The following LRP1B variants were observed in gnomAD, a reference collection of about 807,000 sequenced individuals.
LRP1B encodes the protein LDL receptor related protein 1B.
A neutral mutation model predicts 556.6 loss-of-function variants in LRP1B; 217 were observed. The observed-to-expected ratio is 0.39, with a 90% CI of 0.35 to 0.44. LRP1B has a LOEUF of 0.44. LRP1B is among the 20% of genes least tolerant of loss of function. The pLI, the probability that LRP1B is intolerant of heterozygous loss-of-function variation, is 1.00. For synonymous variants in LRP1B, 2,047 were observed against 1,865.8 expected (o/e 1.10, Z -2.50); for missense variants, 5,053 against 5,620.8 (o/e 0.90, Z 3.23).
At chr2:141,982,161 C>A (rs1044138887) in intron 1 of LRP1B, among the ~76,000 whole-genome samples, 1 of 151,752 alleles carries the variant, frequency 6.6e-6, no homozygotes, top group Non-Finnish European at 1.5e-5. Flanking sequence ...TAGATTATAG[C>A]TAACTCAATC....
intron 27 of LRP1B, among the ~76,000 whole-genome samples, chr2:140,855,927 T>G (rs1017978430): frequency 6.6e-6 from 1 of 152,206 alleles, no homozygotes; most frequent in African/African-American, 2.4e-5. Flanking sequence ...ACTGCCAAAT[T>G]TAATCCTTTC....
Position 140,748,735 on chromosome 2 carries a change from T to TATGTATATAATATGATATATATTATATAC in LRP1B, c.5758+20449_5758+20477dup, listed in dbSNP as rs1272860137. Among the ~76,000 whole-genome samples the TATGTATATAATATGATATATATTATATAC allele has an allele frequency of 5.4e-5, 7 of 128,940 alleles. 1 individual carries two copies. Among genetic ancestry groups the TATGTATATAATATGATATATATTATATAC allele is most frequent in the East Asian group, 2.3e-4 (1 of 4,278 alleles). 84.6% of individuals were successfully genotyped at this position (128,940 alleles called of 152,430 possible). ...ATATATATCATATATATGAATATTA[T>TATGTATATAATATGATATATATTATATAC]ATGTATATAATATGATATATATTAT... is the stretch of plus-strand genomic sequence containing the variant. On this transcript the variant is annotated intron_variant, in intron 35 of 90. Coordinates refer to ENST00000389484, the MANE Select transcript of LRP1B (RefSeq NM_018557.3).
At chr2:141,567,002 G>C (rs1686355379) in intron 2 of LRP1B, among the ~76,000 whole-genome samples, 1 of 152,062 alleles carries the variant, frequency 6.6e-6, no homozygotes, top group Non-Finnish European at 1.5e-5. Context: ...AACCTGGCCA[G>C]CAACAGCTAG....
At chr2:141,883,299 A>G (rs1275192423) in intron 1 of LRP1B, among the ~76,000 whole-genome samples, 2 of 152,186 alleles carry the variant, frequency 1.3e-5, no homozygotes, top group African/African-American at 4.8e-5. Flanking sequence ...ACTACAAGCA[A>G]AGCAAGAAGG....
At chr2:141,459,199 T>A (rs1681758468) in intron 3 of LRP1B, among the ~76,000 whole-genome samples, 1 of 152,168 alleles carries the variant, frequency 6.6e-6, no homozygotes, top group African/African-American at 2.4e-5. Flanking sequence ...ATTACACAAG[T>A]GTCTTCAACT....
intron 32 of LRP1B, among the ~76,000 whole-genome samples, chr2:140,795,626 C>T (rs1376018331): frequency 6.6e-6 from 1 of 152,060 alleles, no homozygotes; most frequent in African/African-American, 2.4e-5. Flanking sequence ...TTCAGGCACT[C>T]ATTATTTTTA....
intron 55 of LRP1B, among the ~76,000 whole-genome samples, chr2:140,500,211 T>C (rs1689122073): frequency 6.6e-6 from 1 of 151,994 alleles, no homozygotes; most frequent in East Asian, 1.9e-4. Context: ...AATATATATT[T>C]CTTGGTGTTT....
At chr2:140,486,948 C>T (rs1320232852) in intron 58 of LRP1B, among the ~76,000 whole-genome samples, 1 of 151,756 alleles carries the variant, frequency 6.6e-6, no homozygotes, top group Non-Finnish European at 1.5e-5. Flanking sequence ...TAGATGGCTA[C>T]AAAAAAGTTA....
At chr2:140,408,285 A>T (rs1684832988) in intron 66 of LRP1B, among the ~76,000 whole-genome samples, 1 of 151,940 alleles carries the variant, frequency 6.6e-6, no homozygotes, top group Non-Finnish European at 1.5e-5. Flanking sequence ...TATAAAATTC[A>T]TCCATTTAAT....
At chr2:140,511,338 G>A (rs1689646532) in intron 51 of LRP1B, among the ~76,000 whole-genome samples, 1 of 111,472 alleles carries the variant, frequency 9.0e-6, no homozygotes. Context: ...GTCTCGCTCT[G>A]TCGCCCAGGC....
chr2:141,458,550 G>T (rs1346234440), intron 3 of LRP1B, among the ~76,000 whole-genome samples: 1 of 151,998 alleles, frequency 6.6e-6, no homozygotes, highest in African/African-American at 2.4e-5. Flanking sequence ...CCTATCCAAA[G>T]CAAATATGAT....
chr2:141,897,800 C>G (rs1358209839), intron 1 of LRP1B, among the ~76,000 whole-genome samples: 1 of 152,130 alleles, frequency 6.6e-6, no homozygotes, highest in Non-Finnish European at 1.5e-5. Context: ...ATATTCAAAA[C>G]AAACCTGCAT....
At chr2:141,933,431 G>A (rs1490803371) in intron 1 of LRP1B, among the ~76,000 whole-genome samples, 1 of 152,102 alleles carries the variant, frequency 6.6e-6, no homozygotes, top group Non-Finnish European at 1.5e-5. Context: ...GTGAAACCGA[G>A]TTCTGTTTTG....
intron 3 of LRP1B, among the ~76,000 whole-genome samples, chr2:141,307,374 T>C (rs1021634881): frequency 6.6e-6 from 1 of 152,178 alleles, no homozygotes; most frequent in Non-Finnish European, 1.5e-5. Flanking sequence ...CTTCTTTGTC[T>C]CTTTTTACTG....
intron 1 of LRP1B, among the ~76,000 whole-genome samples, chr2:141,949,423 G>A (rs1027623017): frequency 1.2e-4 from 18 of 152,074 alleles, no homozygotes; most frequent in African/African-American, 2.9e-4. Flanking sequence ...ACACGGTCTC[G>A]CTCTGTCTCC....
At chr2:140,562,651 T>C (rs1680973415) in intron 43 of LRP1B, among the ~76,000 whole-genome samples, 1 of 152,136 alleles carries the variant, frequency 6.6e-6, no homozygotes, top group South Asian at 2.1e-4. Flanking sequence ...GACACAGTCT[T>C]GCTCTGTCAC....
At chr2:140,842,571 T>C (rs1692142488) in intron 29 of LRP1B, among the ~76,000 whole-genome samples, 1 of 152,198 alleles carries the variant, frequency 6.6e-6, no homozygotes, top group Non-Finnish European at 1.5e-5. Context: ...ACTTCACATT[T>C]CTTCTTATTT....
chr2:141,170,567 T>C (rs567759851), intron 7 of LRP1B, among the ~76,000 whole-genome samples: 2 of 152,188 alleles, frequency 1.3e-5, no homozygotes, highest in East Asian at 3.9e-4. Context: ...GCCAGTTTAT[T>C]AACAAGGGCT....
At chr2:142,014,242 C>T (rs1039263894) in intron 1 of LRP1B, among the ~76,000 whole-genome samples, 17 of 149,164 alleles carry the variant, frequency 1.1e-4, no homozygotes, top group South Asian at 4.1e-4. Flanking sequence ...TGCACGAGAT[C>T]GAAGAACCCT....
Sources: gnomAD v4.1 joint callset for allele counts (sites outside exome capture counted in the v4.1 genomes callset) on GRCh38, gnomAD v4.1.1 for gene constraint, MANE v1.5 for transcripts, NCBI Gene and HGNC (gene_info 2026-07-23, HGNC 2026-07-21) for gene names.